BRD4: variants seen among roughly 807,000 people sequenced by gnomAD.
BRD4 encodes bromodomain-containing protein 4.
A neutral mutation model predicts 142.1 loss-of-function variants in BRD4; 16 were observed. That is an observed-to-expected ratio of 0.11 (90% CI 0.08 to 0.17). The LOEUF is 0.17. Among genes scored for constraint, BRD4 ranks in the 10% least tolerant of loss-of-function variants. The pLI, the probability that BRD4 is intolerant of heterozygous loss-of-function variation, is 1.00. For missense variants in BRD4, 1,424 were observed against 1,810.9 expected (o/e 0.79, Z 3.88); for synonymous variants, 833 against 707.5 (o/e 1.18, Z -2.82).
chr19:15,275,268 C>A (rs1361351353), intron 1 of BRD4, among the ~76,000 whole-genome samples: 2 of 152,196 alleles, frequency 1.3e-5, no homozygotes, highest in Non-Finnish European at 2.9e-5. Flanking sequence ...AGCCAAAACA[C>A]CCCTCCCTAG....
chr19:15,243,638 A>G, intron 13 of BRD4, 151 bp from the exon 14 acceptor site: 2 of 1,341,836 alleles, frequency 1.5e-6, no homozygotes, highest in Non-Finnish European at 1.9e-6. Context: ...GTGGCCTCCC[A>G]CAAACTCCAG....
chr19:15,243,580 T>C (rs191908122), intron 13 of BRD4, 93 bp from the exon 14 acceptor site: 278 of 1,422,614 alleles, frequency 2.0e-4, no homozygotes, highest in African/African-American at 9.4e-4. Flanking sequence ...TGGACTCCAG[T>C]GCTCTCCTAC....
chr19:15,303,007 C>CA (rs1213995194), intron 1 of BRD4, among the ~76,000 whole-genome samples: 6,004 of 57,332 alleles, frequency 0.1, 221 homozygotes, highest in African/African-American at 0.12. Context: ...GACTCCGTCG[C>CA]AAAAAAAAAA....
At chr19:15,261,436 C>T (rs1162611194) in intron 7 of BRD4, among the ~76,000 whole-genome samples, 1 of 151,448 alleles carries the variant, frequency 6.6e-6, no homozygotes, top group East Asian at 1.9e-4. Context: ...GAGCTGAGGT[C>T]GTGCCACTGC....
At chr19:15,331,856 A>G (rs927839531) in intron 1 of BRD4, 3 of 142,136 alleles carry the variant, frequency 2.1e-5, no homozygotes, top group African/African-American at 5.2e-5. Flanking sequence ...CGCGCCGCGG[A>G]CCCCGCGGCG....
At chr19:15,312,723 G>A (rs867833745) in intron 1 of BRD4, among the ~76,000 whole-genome samples, 10 of 151,212 alleles carry the variant, frequency 6.6e-5, no homozygotes, top group Middle Eastern at 3.5e-3. Context: ...ACCACCTGAG[G>A]TCAGGAGTTC....
At chr19:15,255,114 C>T (rs1599449852) in intron 10 of BRD4, among the ~76,000 whole-genome samples, 183 bp downstream of exon 10, 1 of 151,250 alleles carries the variant, frequency 6.6e-6, no homozygotes, top group Non-Finnish European at 1.5e-5. Flanking sequence ...TAGAAAGGCA[C>T]TGACAGCCTA....
intron 1 of BRD4, among the ~76,000 whole-genome samples, chr19:15,283,800 C>G (rs542665819): frequency 2.0e-5 from 3 of 152,204 alleles, no homozygotes; most frequent in Non-Finnish European, 4.4e-5. Flanking sequence ...CAGCGGCTGA[C>G]TCAAGGTGTC....
intron 1 of BRD4, among the ~76,000 whole-genome samples, chr19:15,315,401 T>C (rs2048008172): frequency 6.6e-6 from 1 of 152,056 alleles, no homozygotes; most frequent in African/African-American, 2.4e-5. Context: ...CAGTGTCTGA[T>C]TACCAAGTAC....
chr19:15,303,986 A>C (rs1427330933), intron 1 of BRD4, among the ~76,000 whole-genome samples: 1 of 152,172 alleles, frequency 6.6e-6, no homozygotes, highest in Admixed American at 6.6e-5. Context: ...ACTTGCTCTC[A>C]CATTTGACCA....
intron 1 of BRD4, among the ~76,000 whole-genome samples, chr19:15,321,236 A>G (rs2048058814): frequency 6.6e-6 from 1 of 151,736 alleles, no homozygotes; most frequent in Admixed American, 6.6e-5. Flanking sequence ...AAGAATGGGA[A>G]AGGGAAAGGA....
intron 2 of BRD4, among the ~76,000 whole-genome samples, chr19:15,272,468 A>C (rs1035908479): frequency 2.0e-5 from 3 of 152,074 alleles, no homozygotes; most frequent in African/African-American, 7.3e-5. Context: ...CTATGTCCAC[A>C]CCTGAGAAAT....
chr19:15,320,308 TAATGCTTGAGG>T (rs2048050689), intron 1 of BRD4, among the ~76,000 whole-genome samples: 1 of 152,140 alleles, frequency 6.6e-6, no homozygotes, highest in Non-Finnish European at 1.5e-5. Context: ...AGGCTTTTCG[TAATGCTTGAGG>T]AATGCCAAGC....
chr19:15,312,492 C>T (rs141874413), intron 1 of BRD4, among the ~76,000 whole-genome samples: 5 of 151,990 alleles, frequency 3.3e-5, no homozygotes, highest in African/African-American at 7.2e-5. Context: ...ATTAGCTGGG[C>T]GTGGTGGTGT....
Position 15,237,300 on chromosome 19 carries a change from A to C in BRD4, c.*1077T>G, listed in dbSNP as rs1359763902. The C allele has an allele frequency of 9.6e-6, 2 of 208,978 alleles. No individual in the cohort carries two copies. The highest frequency in any genetic ancestry group is 1.4e-4 in the East Asian group (2 of 14,182). 12.9% of individuals were successfully genotyped at this position (208,978 alleles called of 1,614,324 possible). A position where few individuals can be genotyped will look rare whatever the true frequency, so the allele number is the denominator to read the frequency against. ...AGAAATTGTAGCTTTCTGGTTTTAT[A>C]ATTAAAAATAGACTAATAAAGTTTG... On this transcript the variant is annotated 3_prime_UTR_variant, in exon 20 of 20. Transcript: ENST00000679869.
chr19:15,282,874 G>A (rs960006992), intron 1 of BRD4, among the ~76,000 whole-genome samples: 4 of 152,136 alleles, frequency 2.6e-5, no homozygotes, highest in Non-Finnish European at 4.4e-5. Flanking sequence ...GGCTCAGGTG[G>A]GAGCATTGCT....
rs766463359 is a variant in BRD4 at position 15,253,708 on chromosome 19, C to T, written c.2158+444G>A. 12 of 1,598,336 alleles carry T rather than the reference C, an allele frequency of 7.5e-6. No individual in the cohort carries two copies. In the African/African-American group the frequency reaches 1.5e-4, roughly 20 times the overall value. ...CACCAGAAACCAGCGAAGCATCTCC[C>T]TGAAGCGGCCGCACTGCACGTGACT... On this transcript the variant is annotated intron_variant, in intron 11 of 19. Transcript: ENST00000679869.
chr19:15,288,830 G>A (rs1196353046), intron 1 of BRD4, among the ~76,000 whole-genome samples: 2 of 152,206 alleles, frequency 1.3e-5, no homozygotes, highest in Non-Finnish European at 2.9e-5. Flanking sequence ...TGGCACCAGA[G>A]AGAACACGCA....
intron 11 of BRD4, chr19:15,249,094 G>A: frequency 1.1e-6 from 1 of 924,982 alleles, no homozygotes; most frequent in Non-Finnish European, 1.6e-6. Flanking sequence ...CCTTCCCGAA[G>A]GCGGGACTAG....
Sources: gnomAD v4.1 joint callset for allele counts (sites outside exome capture counted in the v4.1 genomes callset) on GRCh38, gnomAD v4.1.1 for gene constraint, MANE v1.5 for transcripts, NCBI Gene and HGNC (gene_info 2026-07-23, HGNC 2026-07-21) for gene names.